SLC22A3: variants seen among roughly 807,000 people sequenced by gnomAD.
SLC22A3 encodes the protein solute carrier family 22 member 3.
SLC22A3 carries 51 observed loss-of-function variants against 59.1 expected under a neutral mutation model. That is an observed-to-expected ratio of 0.86 (90% CI 0.69 to 1.09). The LOEUF (loss-of-function observed/expected upper bound fraction) is 1.09. Ranked by LOEUF, SLC22A3 falls within the 50% of genes least tolerant of loss-of-function variation. The pLI is 0.00. For missense variants in SLC22A3, 711 were observed against 726.3 expected, an observed-to-expected ratio of 0.98 and a Z score of 0.24; for synonymous variants, 325 against 292.0, an observed-to-expected ratio of 1.11 and a Z score of -1.15.
At chr6:160,418,349 G>A (rs1423124032) in intron 5 of SLC22A3, among the ~76,000 whole-genome samples, 4 of 152,212 alleles carry the variant, frequency 2.6e-5, no homozygotes, top group East Asian at 1.9e-4. Flanking sequence ...AGGGGCTCTC[G>A]GGCCTTTGGC....
In SLC22A3 at chr6:160,442,090, C is replaced by A. The variant is rs1274241405; in HGVS notation, c.1289-671C>A. ...TCATACAACCAGAGCAGTCCTAAAACAGTTCATTTTAAAATGGACGAACCA... is the reference window on the plus strand; with the variant it reads ...TCATACAACCAGAGCAGTCCTAAAAAAGTTCATTTTAAAATGGACGAACCA... On this transcript the variant is annotated intron_variant, in intron 7 of 10. Transcript: ENST00000275300. 3.9e-5 allele frequency among the ~76,000 whole-genome samples: 6 copies of A among 152,212 alleles called. No homozygotes were observed. In the East Asian group the frequency reaches 1.2e-3, roughly 29 times the overall value.
chr6:160,362,917 C>G (rs1172781768), intron 1 of SLC22A3, among the ~76,000 whole-genome samples: 1 of 152,192 alleles, frequency 6.6e-6, no homozygotes, highest in African/African-American at 2.4e-5. Context: ...CGAGAACGTC[C>G]CATCCAGGGA....
At chr6:160,392,511 G>C (rs1284706568) in intron 1 of SLC22A3, among the ~76,000 whole-genome samples, 1 of 152,194 alleles carries the variant, frequency 6.6e-6, no homozygotes, top group Non-Finnish European at 1.5e-5. Context: ...TATATGCCTG[G>C]TATTCCTCCC....
chr6:160,357,742 A>G (rs1483583020), intron 1 of SLC22A3, among the ~76,000 whole-genome samples: 1 of 152,352 alleles, frequency 6.6e-6, no homozygotes, highest in East Asian at 1.9e-4. Context: ...CCCAGGGTAG[A>G]GGAGAAAATT....
intron 9 of SLC22A3, among the ~76,000 whole-genome samples, chr6:160,446,870 G>A (rs1030163318): frequency 5.9e-5 from 9 of 152,196 alleles, no homozygotes; most frequent in African/African-American, 2.2e-4. Context: ...TCTTTATGGT[G>A]GAAGCCCCAT....
chr6:160,370,512 GTTA>G (rs1218371258), intron 1 of SLC22A3, among the ~76,000 whole-genome samples: 1 of 152,154 alleles, frequency 6.6e-6, no homozygotes, highest in Non-Finnish European at 1.5e-5. Context: ...ATGCTCTTAT[GTTA>G]TTATTATTCA....
chr6:160,427,878 G>A (rs555051286), intron 5 of SLC22A3, among the ~76,000 whole-genome samples: 2 of 152,144 alleles, frequency 1.3e-5, no homozygotes, highest in Non-Finnish European at 2.9e-5. Flanking sequence ...TCAAAAATGT[G>A]ATATTTAGAA....
chr6:160,447,659 C>T, intron 9 of SLC22A3, 60 bp from the exon 10 acceptor site: 2 of 1,425,020 alleles, frequency 1.4e-6, no homozygotes, highest in Non-Finnish European at 2.0e-6. Flanking sequence ...GAGCAGGCCC[C>T]ATGGGAGAGG....
Position 160,437,976 on chromosome 6 carries a change from C to T in SLC22A3, c.1288+765C>T, listed in dbSNP as rs557678701. Among the ~76,000 whole-genome samples, 4 of 152,214 alleles carry T rather than the reference C, an allele frequency of 2.6e-5. No individual in the cohort carries two copies. In the East Asian group the frequency reaches 5.8e-4, roughly 22 times the overall value. On this transcript the variant is annotated intron_variant, in intron 7 of 10. Transcript: ENST00000275300. The stretch of plus-strand genomic sequence containing the variant: ...ATGATCTGTCACCAGCATGACCAGC[C>T]CTGCAGGTGGTCCTGTGAGCTTGCG...
At chr6:160,447,342 G>A (rs1210634117) in intron 9 of SLC22A3, among the ~76,000 whole-genome samples, 1 of 152,096 alleles carries the variant, frequency 6.6e-6, no homozygotes, top group African/African-American at 2.4e-5. Context: ...GGAGGGAGAG[G>A]GGCAGGTAAG....
At chr6:160,434,201 T>C (rs2665356) in intron 5 of SLC22A3, among the ~76,000 whole-genome samples, 18,085 of 152,350 alleles carry the variant, frequency 0.12, 1,428 homozygotes, top group Non-Finnish European at 0.18. Context: ...TAAAGATCTT[T>C]AAAATCTAAA....
intron 1 of SLC22A3, among the ~76,000 whole-genome samples, chr6:160,358,082 A>G (rs1013136042): frequency 6.6e-6 from 1 of 152,268 alleles, no homozygotes; most frequent in African/African-American, 2.4e-5. Context: ...ATCATTAGAT[A>G]ATAACAATTT....
At chr6:160,358,623 T>C (rs543611621) in intron 1 of SLC22A3, among the ~76,000 whole-genome samples, 1 of 152,294 alleles carries the variant, frequency 6.6e-6, no homozygotes, top group South Asian at 2.1e-4. Context: ...TCAGTTGTGA[T>C]ATAGAGTGAA....
At chr6:160,428,760 C>T (rs1788050879) in intron 5 of SLC22A3, among the ~76,000 whole-genome samples, 1 of 152,160 alleles carries the variant, frequency 6.6e-6, no homozygotes, top group Admixed American at 6.5e-5. Flanking sequence ...AAACATCAAA[C>T]ATTTGTGATA....
At position 160,348,840 on chromosome 6, in the gene SLC22A3, G is replaced by T; in HGVS notation, c.421G>T (p.Val141Phe). The T allele has an allele frequency of 6.3e-7, 1 of 1,584,274 alleles. No individual in the cohort carries two copies. Among genetic ancestry groups the T allele is most frequent in the Non-Finnish European group, 8.5e-7 (1 of 1,173,528 alleles). ...WRYAQAHSTIVSEFDLVCVNA... is the reference protein window; with the variant it reads ...WRYAQAHSTIFSEFDLVCVNA... ...CTACGCCCAGGCCCACTCCACCATC[G>T]TCAGCGAGGTAAGGGCGCCCCGGCC... The change falls in exon 1 of 11, where the codon GTC becomes TTC. Residue 141 changes from valine (V) to phenylalanine (F), a missense_variant. Coordinates refer to ENST00000275300, the MANE Select transcript of SLC22A3 (RefSeq NM_021977.4).
intron 1 of SLC22A3, among the ~76,000 whole-genome samples, chr6:160,361,360 A>G (rs534510807): frequency 1.3e-5 from 2 of 152,368 alleles, no homozygotes; most frequent in South Asian, 2.1e-4. Context: ...GTATAAGCCA[A>G]AAATGGATTA....
At chr6:160,358,647 C>T (rs1036502352) in intron 1 of SLC22A3, among the ~76,000 whole-genome samples, 7 of 152,198 alleles carry the variant, frequency 4.6e-5, no homozygotes, top group Admixed American at 2.0e-4. Flanking sequence ...TCCCCCCATC[C>T]GGGTGGCTCT....
At chr6:160,424,520 C>T (rs1466243834) in intron 5 of SLC22A3, among the ~76,000 whole-genome samples, 1 of 152,172 alleles carries the variant, frequency 6.6e-6, no homozygotes, top group African/African-American at 2.4e-5. Context: ...AGAGTCTTGA[C>T]ATACATAAAC....
intron 6 of SLC22A3, 27 bp downstream of exon 6, chr6:160,436,904 A>G: frequency 6.2e-7 from 1 of 1,610,576 alleles, no homozygotes; most frequent in East Asian, 2.2e-5. Flanking sequence ...ATGGATTTAA[A>G]AGCTTGCGTT....
Sources: allele counts gnomAD v4.1 joint callset (sites outside exome capture counted in the v4.1 genomes callset), GRCh38; gene constraint gnomAD v4.1.1; transcripts MANE v1.5; gene names NCBI Gene and HGNC (gene_info 2026-07-23, HGNC 2026-07-21).